Variants in KCNQ1 observed in about 807,000 individuals in gnomAD.
The protein encoded by KCNQ1 is potassium voltage-gated channel subfamily Q member 1, also known as potassium voltage-gated channel subfamily KQT member 1.
In KCNQ1, 49 loss-of-function variants were observed where a neutral mutation model predicts 72.4. That is an observed-to-expected ratio of 0.68 (90% CI 0.54 to 0.86). KCNQ1 has a LOEUF of 0.86. KCNQ1 is among the 40% of genes least tolerant of loss of function. KCNQ1 has a pLI of 0.00. For missense variants in KCNQ1, 790 were observed against 945.1 expected (o/e 0.84, Z 2.15); for synonymous variants, 450 against 412.6 (o/e 1.09, Z -1.10).
chr11:2,511,675 A>G (rs1847207039), intron 1 of KCNQ1, among the ~76,000 whole-genome samples: 1 of 152,198 alleles, frequency 6.6e-6, no homozygotes, highest in Admixed American at 6.5e-5. Context: ...TCAATGCCCC[A>G]TGCCAGGCCT....
At position 2,547,666 on chromosome 11, in the gene KCNQ1, A is replaced by G. The variant is rs543067341; in HGVS notation, c.477+19648A>G. Among the ~76,000 whole-genome samples, 1 of 152,198 alleles carries G rather than the reference A, an allele frequency of 6.6e-6. No homozygotes were observed. The highest frequency in any genetic ancestry group is 6.5e-5 in the Admixed American group (1 of 15,270). ...CTGCCTTAACTTCTACTTAGTGCCT[A>G]TACCACAAACAATAAGCTGACTCCA... On this transcript the variant is annotated intron_variant, in intron 2 of 15. Transcript: ENST00000155840. This position sits in a 1 kb window ranked among gnomAD's most constrained non-coding sequence, Gnocchi z 4.2.
At chr11:2,499,435 G>A (rs1846972397) in intron 1 of KCNQ1, among the ~76,000 whole-genome samples, 1 of 151,900 alleles carries the variant, frequency 6.6e-6, no homozygotes, top group South Asian at 2.1e-4. Flanking sequence ...TAATAAAATG[G>A]CAAGAGTGAG....
At chr11:2,839,909 G>A (rs1008415370) in intron 15 of KCNQ1, 1 of 152,214 alleles carries the variant, frequency 6.6e-6, no homozygotes. Flanking sequence ...CTGGCTCCCA[G>A]TATCAAAGCA....
chr11:2,805,029 A>C (rs1012665317), intron 15 of KCNQ1, among the ~76,000 whole-genome samples: 2 of 152,250 alleles, frequency 1.3e-5, no homozygotes, highest in Non-Finnish European at 1.5e-5. Flanking sequence ...AAAATGAAGC[A>C]GTTTGAAAAC....
intron 11 of KCNQ1, chr11:2,681,503 A>G: frequency 2.5e-6 from 1 of 398,508 alleles, no homozygotes; most frequent in Non-Finnish European, 4.4e-6. Context: ...TAGTAAAGTC[A>G]AACTGGTCCA....
rs1030187583 is a variant in KCNQ1 at position 2,839,061 on chromosome 11, A to G, written c.1795-8706A>G. ...GTGGGCAGCTGCCTCGGGCTCTTGG[A>G]CAGAGCCGCCCCTGCCTGGCGTCTG... On this transcript the variant is annotated intron_variant, in intron 15 of 15. Coordinates refer to ENST00000155840, the MANE Select transcript of KCNQ1 (RefSeq NM_000218.3). Among the ~76,000 whole-genome samples the G allele has an allele frequency of 6.0e-4, 92 of 152,234 alleles. 1 individual carries two copies. Among genetic ancestry groups the G allele is most frequent in the Middle Eastern group, 3.4e-3 (1 of 294 alleles).
intron 11 of KCNQ1, chr11:2,662,338 T>C (rs1307232942): frequency 5.2e-6 from 3 of 573,320 alleles, no homozygotes; most frequent in South Asian, 4.7e-5. Context: ...TCCACTTGTT[T>C]TCATGCTTTG....
rs1849871445 is a variant in KCNQ1, at chr11:2,657,537, A to G, written c.1394-4424A>G. On this transcript the variant is annotated intron_variant, in intron 10 of 15. Coordinates refer to ENST00000155840, the MANE Select transcript of KCNQ1 (RefSeq NM_000218.3). This position sits in a 1 kb window ranked among gnomAD's most constrained non-coding sequence, Gnocchi z 4.8. Reference sequence around the variant, plus strand: ...AACAAAAATAGTACCGAGTACCCACATCCCTTTCACCAGCTTCCCCTAATG... The same window carrying G: ...AACAAAAATAGTACCGAGTACCCACGTCCCTTTCACCAGCTTCCCCTAATG... 1 of 398,488 alleles carries G rather than the reference A, an allele frequency of 2.5e-6. No individual in the cohort carries two copies. The highest frequency in any genetic ancestry group is 2.1e-5 in the African/African-American group (1 of 48,640). 24.7% of individuals were successfully genotyped at this position (398,488 alleles called of 1,614,324 possible).
intron 10 of KCNQ1, chr11:2,637,440 T>C (rs1208069395): frequency 1.3e-5 from 2 of 152,284 alleles, no homozygotes; most frequent in East Asian, 3.8e-4. Flanking sequence ...TTTCGTTATG[T>C]ACCCAGTAGT....
Position 2,473,167 on chromosome 11 carries a change from T to C in KCNQ1, c.386+27683T>C, listed in dbSNP as rs901380746. On this transcript the variant is annotated intron_variant, in intron 1 of 15. Transcript: ENST00000155840. The surrounding 1 kb of genome is among the most constrained non-coding windows in gnomAD (Gnocchi z 6.0). Reference sequence around the variant, plus strand: ...AGCTGCAGGAGCTGCTGCCTGTGGCTGAGGAGAGGCCAGGACGGGCCAAGG... The same window carrying C: ...AGCTGCAGGAGCTGCTGCCTGTGGCCGAGGAGAGGCCAGGACGGGCCAAGG... Among the ~76,000 whole-genome samples, 1 of 151,850 alleles carries C rather than the reference T, an allele frequency of 6.6e-6. No individual in the cohort carries two copies. Among genetic ancestry groups the C allele is most frequent in the African/African-American group, 2.4e-5 (1 of 41,298 alleles).
In KCNQ1 at chr11:2,679,555, C is replaced by A. The variant is rs1850351993; in HGVS notation, c.1514+17474C>A. On this transcript the variant is annotated intron_variant, in intron 11 of 15. Transcript: ENST00000155840. This position sits in a 1 kb window ranked among gnomAD's most constrained non-coding sequence, Gnocchi z 4.8. ...TGATGGCCATTCCATCCATTGTAATCATGTGTACCATGCAATTCACAGTGC... is the reference window on the plus strand; with the variant it reads ...TGATGGCCATTCCATCCATTGTAATAATGTGTACCATGCAATTCACAGTGC... The A allele has an allele frequency of 2.5e-6, 1 of 398,604 alleles. No individual in the cohort carries two copies. The highest frequency in any genetic ancestry group is 4.4e-5 in the Admixed American group (1 of 22,734). 24.7% of individuals were successfully genotyped at this position (398,604 alleles called of 1,614,324 possible).
intron 11 of KCNQ1, among the ~76,000 whole-genome samples, chr11:2,763,451 A>G (rs548245639): frequency 3.3e-5 from 5 of 152,254 alleles, no homozygotes; most frequent in African/African-American, 1.2e-4. Context: ...TTGTGAAAGC[A>G]AGACAGTAAA....
intron 11 of KCNQ1, among the ~76,000 whole-genome samples, chr11:2,733,858 C>A (rs1806731): frequency 7.8e-5 from 1 of 12,860 alleles, no homozygotes; most frequent in East Asian, 1.7e-3. Flanking sequence ...TCTCTCTCTC[C>A]CCCCCCACTT....
At chr11:2,585,910 T>C (rs1057074853) in intron 8 of KCNQ1, among the ~76,000 whole-genome samples, 1 of 152,212 alleles carries the variant, frequency 6.6e-6, no homozygotes, top group Non-Finnish European at 1.5e-5. Flanking sequence ...GATGCTGGGC[T>C]CTGGCTCTGT....
In KCNQ1 at chr11:2,550,518, G is replaced by A. The variant is rs1200044470; in HGVS notation, c.478-20110G>A. Among the ~76,000 whole-genome samples, 1 of 152,226 alleles carries A rather than the reference G, an allele frequency of 6.6e-6. No homozygotes were observed. Among genetic ancestry groups the A allele is most frequent in the Non-Finnish European group, 1.5e-5 (1 of 68,028 alleles). ...CAGCCAAGGGCACTGCCCGCCCTGG[G>A]AGCTGATGCCTGACATGCATCCTCG... is the stretch of plus-strand genomic sequence containing the variant. On this transcript the variant is annotated intron_variant, in intron 2 of 15. Coordinates refer to ENST00000155840, the MANE Select transcript of KCNQ1 (RefSeq NM_000218.3). The surrounding 1 kb of genome is among the most constrained non-coding windows in gnomAD (Gnocchi z 6.0).
rs1276661012 is a variant in KCNQ1 at position 2,674,871 on chromosome 11, C to T, written c.1514+12790C>T. 3.1e-5 allele frequency: 12 copies of T among 388,652 alleles called. No homozygotes were observed. Among genetic ancestry groups the T allele is most frequent in the Non-Finnish European group, 4.9e-5 (11 of 223,742 alleles). 24.1% of individuals were successfully genotyped at this position (388,652 alleles called of 1,614,324 possible). ...AAAAAAAAAAAAAAAGCTCACTGGG[C>T]ACCTTGGCTGCAGGGTCTGAAAAGT... is the stretch of plus-strand genomic sequence containing the variant. On this transcript the variant is annotated intron_variant, in intron 11 of 15. Coordinates refer to ENST00000155840, the MANE Select transcript of KCNQ1 (RefSeq NM_000218.3). The surrounding 1 kb of genome is among the most constrained non-coding windows in gnomAD (Gnocchi z 5.9).
At position 2,669,114 on chromosome 11, in the gene KCNQ1, GCT is replaced by G. The variant is rs1286518404; in HGVS notation, c.1514+7036_1514+7037del. On this transcript the variant is annotated intron_variant, in intron 11 of 15. Coordinates refer to ENST00000155840, the MANE Select transcript of KCNQ1 (RefSeq NM_000218.3). This position sits in a 1 kb window ranked among gnomAD's most constrained non-coding sequence, Gnocchi z 5.6. ...ACAATCAGCTCACTGGCTACGTGTG[GCT>G]CTGTTTCTGGACCCTATTGGGTGCC... 2.5e-6 allele frequency: 1 copy of G among 398,674 alleles called. No individual in the cohort carries two copies. The highest frequency in any genetic ancestry group is 4.4e-6 in the Non-Finnish European group (1 of 226,112). 24.7% of individuals were successfully genotyped at this position (398,674 alleles called of 1,614,324 possible).
At position 2,497,860 on chromosome 11, in the gene KCNQ1, G is replaced by A. The variant is rs916031792; in HGVS notation, c.387-30068G>A. Among the ~76,000 whole-genome samples the A allele has an allele frequency of 1.3e-5, 2 of 152,052 alleles. No homozygotes were observed. Among genetic ancestry groups the A allele is most frequent in the Non-Finnish European group, 2.9e-5 (2 of 67,994 alleles). ...CTTTGGATGGGGTTTTTGTGTGGGGGGTCCCTTTTGTTGATGTTGATTTTG... is the reference window on the plus strand; with the variant it reads ...CTTTGGATGGGGTTTTTGTGTGGGGAGTCCCTTTTGTTGATGTTGATTTTG... On this transcript the variant is annotated intron_variant, in intron 1 of 15. Coordinates refer to ENST00000155840, the MANE Select transcript of KCNQ1 (RefSeq NM_000218.3). The surrounding 1 kb of genome is among the most constrained non-coding windows in gnomAD (Gnocchi z 4.5).
At chr11:2,637,555 G>A (rs1266141108) in intron 10 of KCNQ1, 1 of 152,202 alleles carries the variant, frequency 6.6e-6, no homozygotes. Context: ...GAGACAGTTT[G>A]TTATAGTTTC....
Sources: allele counts gnomAD v4.1 joint callset (sites outside exome capture counted in the v4.1 genomes callset), GRCh38; gene constraint gnomAD v4.1.1; non-coding constraint Gnocchi (gnomAD v3.1); transcripts MANE v1.5; gene names NCBI Gene and HGNC (gene_info 2026-07-23, HGNC 2026-07-21).